Variants in EIF4G3 observed in about 807,000 individuals in gnomAD.
EIF4G3 encodes the protein eukaryotic translation initiation factor 4 gamma 3, also known as eIF-4-gamma 3.
Under a neutral mutation model 186.4 loss-of-function variants are expected in EIF4G3, and 34 were observed. The observed-to-expected ratio is 0.18, with a 90% CI of 0.14 to 0.24. EIF4G3 has a LOEUF of 0.24. EIF4G3 is among the 10% of genes least tolerant of loss of function. The pLI is 1.00. For missense variants in EIF4G3, 1,536 were observed against 1,948.5 expected (o/e 0.79, Z 3.99); for synonymous variants, 673 against 679.5 (o/e 0.99, Z 0.15).
chr1:20,869,571 T>C (rs1321056152), intron 20 of EIF4G3, among the ~76,000 whole-genome samples: 1 of 151,720 alleles, frequency 6.6e-6, no homozygotes, highest in African/African-American at 2.4e-5. Context: ...GTCAGGAGAT[T>C]GAGACCATCT....
At chr1:21,155,089 C>A (rs1345624156) in intron 2 of EIF4G3, among the ~76,000 whole-genome samples, 1 of 151,484 alleles carries the variant, frequency 6.6e-6, no homozygotes, top group Non-Finnish European at 1.5e-5. Flanking sequence ...ATAGAGAAAC[C>A]CCATCTCCAC....
At chr1:21,063,339 G>A (rs2095032403) in intron 3 of EIF4G3, among the ~76,000 whole-genome samples, 2 of 152,168 alleles carry the variant, frequency 1.3e-5, no homozygotes, top group Non-Finnish European at 1.5e-5. Context: ...CAGATCAAAA[G>A]TTAGAGGCAG....
At chr1:21,033,416 G>A (rs2092909753) in intron 4 of EIF4G3, among the ~76,000 whole-genome samples, 1 of 151,674 alleles carries the variant, frequency 6.6e-6, no homozygotes, top group African/African-American at 2.4e-5. Flanking sequence ...AAACCTAACA[G>A]CAGAGCAGAT....
intron 2 of EIF4G3, among the ~76,000 whole-genome samples, chr1:21,120,353 TA>T (rs1287312301): frequency 6.6e-6 from 1 of 151,688 alleles, no homozygotes; most frequent in African/African-American, 2.4e-5. Flanking sequence ...TGTCCTGATG[TA>T]AAAAAACCAA....
At chr1:20,964,413 T>C (rs1043023973) in intron 12 of EIF4G3, among the ~76,000 whole-genome samples, 1 of 152,182 alleles carries the variant, frequency 6.6e-6, no homozygotes, top group Non-Finnish European at 1.5e-5. Context: ...AGGGAACATG[T>C]ATATACACAT....
At chr1:21,038,949 T>C in intron 4 of EIF4G3, among the ~76,000 whole-genome samples, 1 of 152,144 alleles carries the variant, frequency 6.6e-6, no homozygotes. Context: ...GAAAAGCCCA[T>C]TCTAAAATTC....
chr1:21,052,000 A>C (rs1398828177), intron 3 of EIF4G3, among the ~76,000 whole-genome samples: 1 of 152,250 alleles, frequency 6.6e-6, no homozygotes, highest in African/African-American at 2.4e-5. Context: ...ATGTATATGT[A>C]ATATTTTTAA....
intron 13 of EIF4G3, among the ~76,000 whole-genome samples, chr1:20,942,898 A>C (rs1001880979): frequency 1.1e-4 from 16 of 152,342 alleles, no homozygotes; most frequent in Non-Finnish European, 2.1e-4. Flanking sequence ...GAAATTTACT[A>C]TCAGTGAAAT....
At chr1:21,118,785 C>CAAAAAAAAAAA (rs796933675) in intron 2 of EIF4G3, among the ~76,000 whole-genome samples, 1 of 86,290 alleles carries the variant, frequency 1.2e-5, no homozygotes. Flanking sequence ...GACTACATCT[C>CAAAAAAAAAAA]AAAAAAAAAA....
At chr1:21,084,228 A>AT (rs200886713) in intron 3 of EIF4G3, among the ~76,000 whole-genome samples, 4 of 150,798 alleles carry the variant, frequency 2.7e-5, no homozygotes, top group African/African-American at 9.7e-5. Flanking sequence ...AGACTGTGTA[A>AT]TTTAAAAAAA....
chr1:20,812,523 G>A (rs1199094383), intron 35 of EIF4G3, among the ~76,000 whole-genome samples: 1 of 152,110 alleles, frequency 6.6e-6, no homozygotes, highest in Non-Finnish European at 1.5e-5. Context: ...CCTTTGCACT[G>A]ATGAATTTTT....
At chr1:21,156,115 G>A (rs1166989379) in intron 2 of EIF4G3, among the ~76,000 whole-genome samples, 4 of 133,204 alleles carry the variant, frequency 3.0e-5, no homozygotes, top group South Asian at 2.4e-4. Flanking sequence ...CAACAAGAGC[G>A]AAACTCTGTC....
intron 12 of EIF4G3, among the ~76,000 whole-genome samples, chr1:20,961,330 C>T (rs985563920): frequency 6.6e-6 from 1 of 152,048 alleles, no homozygotes; most frequent in Non-Finnish European, 1.5e-5. Context: ...TTGCAGAGAG[C>T]CAAGATTGCA....
chr1:20,940,587 ACTG>A lies in EIF4G3; in HGVS notation c.1663+901_1663+903del, dbSNP rs10549129. On this transcript the variant is annotated intron_variant, in intron 14 of 36. Transcript: ENST00000602326. The stretch of plus-strand genomic sequence containing the variant: ...CCTATTCACTGCATGTCAAGGATCA[ACTG>A]CTGGAGGAGCACTCATTTATCAAAA... Among the ~76,000 whole-genome samples, 938 of 152,330 alleles carry A rather than the reference ACTG, an allele frequency of 6.2e-3. 8 individuals carry two copies. The highest frequency in any genetic ancestry group is 0.022 in the African/African-American group (903 of 41,576).
intron 3 of EIF4G3, among the ~76,000 whole-genome samples, chr1:21,065,898 G>A (rs1571990266): frequency 6.6e-6 from 1 of 152,154 alleles, no homozygotes; most frequent in Admixed American, 6.5e-5. Flanking sequence ...TTATACAAAT[G>A]GGGGTGAGAG....
intron 2 of EIF4G3, among the ~76,000 whole-genome samples, chr1:21,155,991 G>A (rs1435990236): frequency 6.6e-6 from 1 of 151,972 alleles, no homozygotes; most frequent in Non-Finnish European, 1.5e-5. Context: ...GCTGGGCGTG[G>A]TGGCACATGC....
chr1:21,129,358 T>C (rs2097109943), intron 2 of EIF4G3, among the ~76,000 whole-genome samples: 1 of 151,584 alleles, frequency 6.6e-6, no homozygotes, highest in African/African-American at 2.4e-5. Flanking sequence ...TTCCTCAAAG[T>C]TAAGTGTGGA....
At chr1:20,973,990 A>T (rs895841899) in intron 10 of EIF4G3, among the ~76,000 whole-genome samples, 1 of 152,198 alleles carries the variant, frequency 6.6e-6, no homozygotes, top group Non-Finnish European at 1.5e-5. Flanking sequence ...GTGTGAGAGA[A>T]AGAAGACTCA....
Position 20,943,994 on chromosome 1 carries a change from G to T in EIF4G3, c.824-1664C>A, listed in dbSNP as rs1485669988. ...TTTTTTTGTGTGTGTGTGTGTGTGTGTGTGTGTGTGTGTGTGTGTGTGTGT... is the reference window on the plus strand; with the variant it reads ...TTTTTTTGTGTGTGTGTGTGTGTGTTTGTGTGTGTGTGTGTGTGTGTGTGT... On this transcript the variant is annotated intron_variant, in intron 13 of 36. Coordinates refer to ENST00000602326, the MANE Select transcript of EIF4G3 (RefSeq NM_001391906.1). 5.0e-4 allele frequency among the ~76,000 whole-genome samples: 68 copies of T among 135,362 alleles called. 1 individual carries two copies. The highest frequency in any genetic ancestry group is 1.5e-3 in the African/African-American group (56 of 36,932). The allele number at this position is 135,362 out of a possible 152,430, so 88.8% of individuals were successfully genotyped here.
Sources: allele counts gnomAD v4.1 joint callset (sites outside exome capture counted in the v4.1 genomes callset), GRCh38; gene constraint gnomAD v4.1.1; transcripts MANE v1.5; gene names NCBI Gene and HGNC (gene_info 2026-07-23, HGNC 2026-07-21).